CTDNEP1: variants seen among roughly 807,000 people sequenced by gnomAD.
CTDNEP1 encodes C-terminal domain nuclear envelope phosphatase 1.
In CTDNEP1, 3 loss-of-function variants were observed where a neutral mutation model predicts 30.1. That is an observed-to-expected ratio of 0.10 (90% CI 0.05 to 0.26). CTDNEP1 has a LOEUF of 0.26. Ranked by LOEUF, CTDNEP1 falls within the 10% of genes least tolerant of loss-of-function variation. The pLI is 1.00. For synonymous variants in CTDNEP1, 123 were observed against 118.8 expected, an observed-to-expected ratio of 1.04 and a Z score of -0.23; for missense variants, 158 against 310.4, an observed-to-expected ratio of 0.51 and a Z score of 3.69.
intron 1 of CTDNEP1, among the ~76,000 whole-genome samples, chr17:7,249,650 G>A (rs1453011595): frequency 6.6e-6 from 1 of 152,168 alleles, no homozygotes; most frequent in Non-Finnish European, 1.5e-5. Context: ...GGGTGCAGTG[G>A]CTCAATCCCA....
At chr17:7,248,702 A>T (rs942732485) in intron 1 of CTDNEP1, among the ~76,000 whole-genome samples, 1 of 152,102 alleles carries the variant, frequency 6.6e-6, no homozygotes, top group African/African-American at 2.4e-5. Context: ...CACTGAACAA[A>T]GAAACGACCC....
At chr17:7,250,634 T>C (rs1005103898) in intron 1 of CTDNEP1, among the ~76,000 whole-genome samples, 2 of 152,212 alleles carry the variant, frequency 1.3e-5, no homozygotes, top group African/African-American at 4.8e-5. Context: ...ACTCACACTA[T>C]GAAATAAATT....
At chr17:7,249,314 A>C (rs2142998984) in intron 1 of CTDNEP1, among the ~76,000 whole-genome samples, 1 of 152,074 alleles carries the variant, frequency 6.6e-6, no homozygotes, top group East Asian at 1.9e-4. Flanking sequence ...CTCTCCCCCT[A>C]ATCAAGATCT....
chr17:7,244,168 T>G lies in CTDNEP1; in HGVS notation c.*17A>C. The G allele has an allele frequency of 6.2e-7, 1 of 1,613,044 alleles. No individual in the cohort carries two copies. Among genetic ancestry groups the G allele is most frequent in the Non-Finnish European group, 8.5e-7 (1 of 1,179,524 alleles). ...CCTTTCCCCCCCACCCCAACTCAGG[T>G]GGAGGGGGAGCAGCTGTCACCAGAG... is the stretch of plus-strand genomic sequence containing the variant. On this transcript the variant is annotated 3_prime_UTR_variant, in exon 8 of 8. Coordinates refer to ENST00000574322, the MANE Select transcript of CTDNEP1 (RefSeq NM_001143775.2).
intron 1 of CTDNEP1, among the ~76,000 whole-genome samples, chr17:7,247,626 G>A (rs2071860166): frequency 6.6e-6 from 1 of 151,850 alleles, no homozygotes; most frequent in East Asian, 2.0e-4. Context: ...GCACCACCAC[G>A]CTCGGCTCAT....
At chr17:7,245,530 G>C (rs931491510) in intron 6 of CTDNEP1, among the ~76,000 whole-genome samples, 3 of 151,132 alleles carry the variant, frequency 2.0e-5, no homozygotes, top group Admixed American at 2.0e-4. Flanking sequence ...ACGGCGTCTC[G>C]CTCTGTCACC....
At chr17:7,251,172 C>A in intron 1 of CTDNEP1, 23 bp downstream of exon 1, 1 of 1,560,912 alleles carries the variant, frequency 6.4e-7, no homozygotes, top group East Asian at 2.4e-5. Context: ...TCCCCAACAC[C>A]GCCAGCGCCC....
In CTDNEP1 at chr17:7,246,238, T is replaced by C; in HGVS notation, c.477+16A>G. ...TCCCTCCCAAGCCACACTCTTAGAC[T>C]GGGATTCTAGCTTACCTGTCTGTAA... is the stretch of plus-strand genomic sequence containing the variant. On this transcript the variant is annotated intron_variant, in intron 5 of 7. Coordinates refer to ENST00000574322, the MANE Select transcript of CTDNEP1 (RefSeq NM_001143775.2). The surrounding 1 kb of genome is among the most constrained non-coding windows in gnomAD (Gnocchi z 4.9). 1 of 1,599,482 alleles carries C rather than the reference T, an allele frequency of 6.3e-7. No homozygotes were observed. Among genetic ancestry groups the C allele is most frequent in the Non-Finnish European group, 8.6e-7 (1 of 1,166,720 alleles).
At chr17:7,251,168 A>G in intron 1 of CTDNEP1, 27 bp downstream of exon 1, 1 of 1,552,478 alleles carries the variant, frequency 6.4e-7, no homozygotes, top group Non-Finnish European at 8.8e-7. Context: ...GACGTCCCCA[A>G]CACCGCCAGC....
intron 1 of CTDNEP1, 43 bp downstream of exon 1, chr17:7,251,152 C>A: frequency 2.8e-6 from 4 of 1,437,518 alleles, no homozygotes; most frequent in Non-Finnish European, 3.8e-6. Flanking sequence ...GTCCCCAACA[C>A]CGCCAGACGT....
intron 6 of CTDNEP1, among the ~76,000 whole-genome samples, chr17:7,245,689 G>A (rs1567586849): frequency 1.3e-5 from 2 of 151,532 alleles, no homozygotes; most frequent in Admixed American, 6.6e-5. Context: ...TAGTAGAGAT[G>A]GGGTTTCACC....
At chr17:7,244,350 A>G in intron 7 of CTDNEP1, 105 bp from the exon 8 acceptor site, 1 of 1,328,870 alleles carries the variant, frequency 7.5e-7, no homozygotes, top group Admixed American at 1.9e-5. Flanking sequence ...AATTATCACC[A>G]TATTCATGAT....
intron 1 of CTDNEP1, among the ~76,000 whole-genome samples, 179 bp downstream of exon 1, chr17:7,251,015 AG>A (rs1299216475): frequency 1.8e-4 from 27 of 152,132 alleles, no homozygotes; most frequent in Non-Finnish European, 3.8e-4. Flanking sequence ...TTCTATTACA[AG>A]GGTCTCCCAC....
chr17:7,247,440 T>G, intron 1 of CTDNEP1, 97 bp from the exon 2 acceptor site: 1 of 896,956 alleles, frequency 1.1e-6, no homozygotes, highest in Non-Finnish European at 1.8e-6. Context: ...CCACAGGTAC[T>G]ATGTATGTAA....
chr17:7,251,427 AC>A lies in CTDNEP1; in HGVS notation c.-132del. 1.9e-6 allele frequency: 1 copy of A among 528,358 alleles called. No homozygotes were observed. The highest frequency in any genetic ancestry group is 4.3e-5 in the South Asian group (1 of 23,394). The allele number at this position is 528,358 out of a possible 1,614,324, so 32.7% of individuals were successfully genotyped here. A position where few individuals can be genotyped will look rare whatever the true frequency, so the allele number is the denominator to read the frequency against. ...GGCAGGAGAGGCTGCAGAGAGGGGC[AC>A]GGAGCGGGCGGCTCAGAAAGCCACC... On this transcript the variant is annotated 5_prime_UTR_variant, in exon 1 of 8. Transcript: ENST00000574322.
At position 7,246,015 on chromosome 17, in the gene CTDNEP1, T is replaced by A; in HGVS notation, c.589+11A>T. On this transcript the variant is annotated intron_variant, in intron 6 of 7. Coordinates refer to ENST00000574322, the MANE Select transcript of CTDNEP1 (RefSeq NM_001143775.2). This position sits in a 1 kb window ranked among gnomAD's most constrained non-coding sequence, Gnocchi z 4.9. ...TTCTGGTCCTGCCAGACTCACCACC[T>A]TCCCCCGTACCTGGATGGCTCCTGT... 1 of 1,585,556 alleles carries A rather than the reference T, an allele frequency of 6.3e-7. No homozygotes were observed. The highest frequency in any genetic ancestry group is 8.7e-7 in the Non-Finnish European group (1 of 1,154,702).
At chr17:7,250,234 G>C (rs2071895628) in intron 1 of CTDNEP1, among the ~76,000 whole-genome samples, 1 of 152,166 alleles carries the variant, frequency 6.6e-6, no homozygotes, top group African/African-American at 2.4e-5. Context: ...AAGGGGTACA[G>C]ACCACAGTAC....
At position 7,246,187 on chromosome 17, in the gene CTDNEP1, C is replaced by T; in HGVS notation, c.478-50G>A. ...AGGCCTCTCTCCAGGATACTCTCCT[C>T]AAACCCAGATCCCTCCCTGGTGGCC... On this transcript the variant is annotated intron_variant, in intron 5 of 7. Coordinates refer to ENST00000574322, the MANE Select transcript of CTDNEP1 (RefSeq NM_001143775.2). This position sits in a 1 kb window ranked among gnomAD's most constrained non-coding sequence, Gnocchi z 4.9. The T allele has an allele frequency of 6.3e-7, 1 of 1,585,742 alleles. No individual in the cohort carries two copies. Among genetic ancestry groups the T allele is most frequent in the Non-Finnish European group, 8.7e-7 (1 of 1,154,294 alleles).
At chr17:7,248,277 A>AG (rs1597574892) in intron 1 of CTDNEP1, among the ~76,000 whole-genome samples, 1 of 149,090 alleles carries the variant, frequency 6.7e-6, no homozygotes, top group East Asian at 1.9e-4. Flanking sequence ...AAAAAAAAAA[A>AG]AAAAAAAAAA....
Sources: allele counts gnomAD v4.1 joint callset (sites outside exome capture counted in the v4.1 genomes callset), GRCh38; gene constraint gnomAD v4.1.1; non-coding constraint Gnocchi (gnomAD v3.1); transcripts MANE v1.5; gene names NCBI Gene and HGNC (gene_info 2026-07-23, HGNC 2026-07-21).